Variants in NEGR1 observed in about 807,000 individuals in gnomAD.
NEGR1 encodes neuronal growth regulator 1.
Under a neutral mutation model 40.9 loss-of-function variants are expected in NEGR1, and 10 were observed. That is an observed-to-expected ratio of 0.24 (90% confidence interval 0.15 to 0.42). The LOEUF is 0.42. Ranked by LOEUF, NEGR1 falls within the 10% of genes least tolerant of loss-of-function variation. The pLI, the probability that NEGR1 is intolerant of heterozygous loss-of-function variation, is 1.00. For synonymous variants in NEGR1, 185 were observed against 166.8 expected, an observed-to-expected ratio of 1.11 and a Z score of -0.84; for missense variants, 352 against 438.9, an observed-to-expected ratio of 0.80 and a Z score of 1.77.
chr1:71,640,056 C>T lies in NEGR1; in HGVS notation c.668-28910G>A, dbSNP rs140234508. Among the ~76,000 whole-genome samples the T allele has an allele frequency of 3.3e-5, 5 of 152,004 alleles. No individual in the cohort carries two copies. In the South Asian group the frequency reaches 1.0e-3, roughly 32 times the overall value. ...CTTACAAGTCATATTTTCCTTGCCACAATTATGAGCCTACTAAATGTTCTC... is the reference window on the plus strand; with the variant it reads ...CTTACAAGTCATATTTTCCTTGCCATAATTATGAGCCTACTAAATGTTCTC... On this transcript the variant is annotated intron_variant, in intron 4 of 6. Coordinates refer to ENST00000357731, the MANE Select transcript of NEGR1 (RefSeq NM_173808.3).
intron 4 of NEGR1, among the ~76,000 whole-genome samples, chr1:71,688,100 C>G (rs910085840): frequency 1.7e-4 from 26 of 151,148 alleles, no homozygotes; most frequent in African/African-American, 6.3e-4. Context: ...ACTAAGCTAT[C>G]TCATGTCTTA....
chr1:72,139,454 A>G (rs1650591218), intron 1 of NEGR1, among the ~76,000 whole-genome samples: 1 of 152,182 alleles, frequency 6.6e-6, no homozygotes, highest in South Asian at 2.1e-4. Context: ...ATATGTAGTA[A>G]TATTACTCAG....
intron 1 of NEGR1, among the ~76,000 whole-genome samples, chr1:72,184,960 T>G (rs1319155909): frequency 6.6e-6 from 1 of 152,138 alleles, no homozygotes; most frequent in African/African-American, 2.4e-5. Flanking sequence ...TTAGCTATTA[T>G]TAATAGTTTA....
intron 6 of NEGR1, among the ~76,000 whole-genome samples, chr1:71,562,626 G>T (rs945683420): frequency 1.3e-5 from 2 of 151,912 alleles, no homozygotes; most frequent in Non-Finnish European, 2.9e-5. Flanking sequence ...TTTTAAAAAT[G>T]TATGAAATTA....
At chr1:71,896,493 G>A (rs529666499) in intron 2 of NEGR1, among the ~76,000 whole-genome samples, 39 of 152,134 alleles carry the variant, frequency 2.6e-4, no homozygotes, top group Non-Finnish European at 4.1e-4. Context: ...CCCATTCTGC[G>A]TGTTATTTCA....
intron 2 of NEGR1, among the ~76,000 whole-genome samples, chr1:71,780,934 T>C (rs1258661744): frequency 2.6e-5 from 4 of 152,206 alleles, no homozygotes; most frequent in African/African-American, 9.6e-5. Flanking sequence ...AGAAAAATCT[T>C]AGAATGCACA....
At chr1:71,556,305 CA>C (rs1294321983) in intron 6 of NEGR1, among the ~76,000 whole-genome samples, 1 of 151,394 alleles carries the variant, frequency 6.6e-6, no homozygotes, top group African/African-American at 2.4e-5. Flanking sequence ...ATGTCTAAAA[CA>C]ATTGGTTCAT....
chr1:71,873,071 C>T (rs564219755), intron 2 of NEGR1, among the ~76,000 whole-genome samples: 50 of 123,440 alleles, frequency 4.1e-4, no homozygotes, highest in East Asian at 2.7e-3. Context: ...AACTGGAAAA[C>T]GGTAGAAATT....
At chr1:71,692,569 C>A (rs926991836) in intron 4 of NEGR1, among the ~76,000 whole-genome samples, 4 of 151,522 alleles carry the variant, frequency 2.6e-5, no homozygotes, top group African/African-American at 9.7e-5. Flanking sequence ...GCCTAAATTG[C>A]CCAAGGCTTT....
intron 1 of NEGR1, among the ~76,000 whole-genome samples, chr1:72,055,952 C>T (rs1284244750): frequency 6.6e-6 from 1 of 150,574 alleles, no homozygotes; most frequent in African/African-American, 2.4e-5. Context: ...ACTACTCAAT[C>T]TCTCTGGTTT....
At chr1:71,918,365 G>T (rs1394715231) in intron 2 of NEGR1, among the ~76,000 whole-genome samples, 1 of 151,604 alleles carries the variant, frequency 6.6e-6, no homozygotes, top group Non-Finnish European at 1.5e-5. Context: ...CAGAAAGTGG[G>T]ACGGTTTCTC....
At chr1:71,752,026 T>G (rs1655586528) in intron 3 of NEGR1, among the ~76,000 whole-genome samples, 1 of 152,160 alleles carries the variant, frequency 6.6e-6, no homozygotes, top group South Asian at 2.1e-4. Context: ...AATAATTAGT[T>G]GAAGAAAAAA....
At chr1:71,886,403 C>A (rs1193525227) in intron 2 of NEGR1, among the ~76,000 whole-genome samples, 1 of 150,746 alleles carries the variant, frequency 6.6e-6, no homozygotes, top group African/African-American at 2.4e-5. Context: ...GCATATTACC[C>A]TTTGTGACTT....
intron 3 of NEGR1, among the ~76,000 whole-genome samples, chr1:71,759,021 T>C (rs61537202): frequency 0.034 from 5,114 of 152,272 alleles, 241 homozygotes; most frequent in African/African-American, 0.11. Context: ...ATTGCATGGT[T>C]ATAATACTTC....
intron 1 of NEGR1, among the ~76,000 whole-genome samples, chr1:72,251,610 T>C (rs1449061952): frequency 6.6e-6 from 1 of 152,172 alleles, no homozygotes; most frequent in Non-Finnish European, 1.5e-5. Context: ...CCTAATCCAA[T>C]GTAAATGCTA....
At chr1:71,833,179 T>C (rs1219968255) in intron 2 of NEGR1, among the ~76,000 whole-genome samples, 2 of 152,120 alleles carry the variant, frequency 1.3e-5, no homozygotes, top group African/African-American at 2.4e-5. Context: ...CTTTTTGTTA[T>C]GTATTTACTT....
intron 6 of NEGR1, among the ~76,000 whole-genome samples, chr1:71,525,126 T>C (rs989981187): frequency 2.0e-5 from 3 of 151,772 alleles, no homozygotes; most frequent in Non-Finnish European, 4.4e-5. Context: ...TAGGAAATCA[T>C]TCATTCACCC....
intron 2 of NEGR1, among the ~76,000 whole-genome samples, chr1:71,895,846 G>A (rs1660956046): frequency 1.3e-5 from 2 of 152,072 alleles, no homozygotes; most frequent in South Asian, 2.1e-4. Flanking sequence ...TAGTAACTGT[G>A]TGTTTTTGAG....
At chr1:71,563,434 A>G (rs755537255) in intron 6 of NEGR1, among the ~76,000 whole-genome samples, 27 of 152,022 alleles carry the variant, frequency 1.8e-4, no homozygotes, top group Non-Finnish European at 2.9e-4. Context: ...TAATGTCATA[A>G]ATGCCCACAT....
Sources: gnomAD v4.1 joint callset for allele counts (sites outside exome capture counted in the v4.1 genomes callset) on GRCh38, gnomAD v4.1.1 for gene constraint, MANE v1.5 for transcripts, NCBI Gene and HGNC (gene_info 2026-07-23, HGNC 2026-07-21) for gene names.